The following SMPD3 variants were observed in gnomAD, a reference collection of about 807,000 sequenced individuals.
The protein encoded by SMPD3 is sphingomyelin phosphodiesterase 3.
Under a neutral mutation model 55.7 loss-of-function variants are expected in SMPD3, and 21 were observed. The ratio of observed to expected loss-of-function variants is 0.38; its 90% CI spans 0.27 to 0.54. The LOEUF is 0.54. Among genes scored for constraint, SMPD3 ranks in the 20% least tolerant of loss-of-function variants. SMPD3 has a pLI of 0.80. For missense variants in SMPD3, 842 were observed against 899.6 expected (o/e 0.94, Z 0.82); for synonymous variants, 457 against 404.3 (o/e 1.13, Z -1.56).
rs189004600 is a variant in SMPD3 at position 68,377,122 on chromosome 16, G to A, written c.-206-4735C>T. 4.3e-3 allele frequency among the ~76,000 whole-genome samples: 660 copies of A among 152,324 alleles called. 8 individuals carry two copies. The highest frequency in any genetic ancestry group is 0.015 in the African/African-American group (604 of 41,572). ...CCCAGGATCCTGACTGTCCCAGAGC[G>A]CCTTCAGGAGCCTCAGAGACATCAG... On this transcript the variant is annotated intron_variant, in intron 2 of 8. Coordinates refer to ENST00000219334, the MANE Select transcript of SMPD3 (RefSeq NM_018667.4).
intron 1 of SMPD3, among the ~76,000 whole-genome samples, chr16:68,445,529 C>T (rs908228020): frequency 6.6e-6 from 1 of 152,150 alleles, no homozygotes; most frequent in African/African-American, 2.4e-5. Flanking sequence ...TAGGAGGGAG[C>T]CCCCCAATAG....
intron 1 of SMPD3, among the ~76,000 whole-genome samples, chr16:68,429,997 C>T (rs1322873880): frequency 6.6e-6 from 1 of 152,168 alleles, no homozygotes; most frequent in African/African-American, 2.4e-5. Context: ...GATGAGGAGT[C>T]CCCTCTGGAG....
chr16:68,436,342 G>T (rs528953726), intron 1 of SMPD3, among the ~76,000 whole-genome samples: 4 of 151,950 alleles, frequency 2.6e-5, no homozygotes, highest in South Asian at 2.1e-4. Flanking sequence ...ACACAAGAGC[G>T]TGCATGTGTG....
At chr16:68,424,450 G>A (rs1222462981) in intron 1 of SMPD3, among the ~76,000 whole-genome samples, 2 of 151,904 alleles carry the variant, frequency 1.3e-5, no homozygotes, top group Admixed American at 6.6e-5. Context: ...GATCATGGTC[G>A]AACAGTCAGA....
chr16:68,443,253 C>A (rs2090582226), intron 1 of SMPD3, among the ~76,000 whole-genome samples: 1 of 152,112 alleles, frequency 6.6e-6, no homozygotes, highest in Non-Finnish European at 1.5e-5. Flanking sequence ...GGAGGTAGAG[C>A]TTTGGTTGGG....
At chr16:68,445,081 C>T (rs1183997035) in intron 1 of SMPD3, among the ~76,000 whole-genome samples, 2 of 152,238 alleles carry the variant, frequency 1.3e-5, no homozygotes, top group Admixed American at 1.3e-4. Flanking sequence ...TGTCTTATCT[C>T]TCTCCCCCAC....
chr16:68,413,691 A>G (rs144947839), intron 1 of SMPD3, among the ~76,000 whole-genome samples: 1 of 152,316 alleles, frequency 6.6e-6, no homozygotes, highest in Non-Finnish European at 1.5e-5. Flanking sequence ...TCCTCTGGAA[A>G]CAGCTCATAA....
At chr16:68,429,624 G>A (rs1372275021) in intron 1 of SMPD3, among the ~76,000 whole-genome samples, 1 of 152,220 alleles carries the variant, frequency 6.6e-6, no homozygotes, top group Non-Finnish European at 1.5e-5. Flanking sequence ...CCCAGCTGGG[G>A]AGGGGTGGGG....
chr16:68,411,946 G>C (rs1481488891), intron 1 of SMPD3, among the ~76,000 whole-genome samples: 1 of 152,186 alleles, frequency 6.6e-6, no homozygotes. Flanking sequence ...GGCCAGAGGG[G>C]AGAGGCTGGG....
At chr16:68,372,531 C>G in intron 2 of SMPD3, 144 bp from the exon 3 acceptor site, 1 of 395,076 alleles carries the variant, frequency 2.5e-6, no homozygotes, top group South Asian at 2.7e-5. Flanking sequence ...AGCTGGCAGG[C>G]TCAGCAGGTG....
intron 4 of SMPD3, 27 bp downstream of exon 4, chr16:68,364,990 A>G: frequency 6.2e-7 from 1 of 1,614,050 alleles, no homozygotes; most frequent in Non-Finnish European, 8.5e-7. Context: ...CATGCCTAGA[A>G]AAAACACAGG....
chr16:68,360,856 A>C lies in SMPD3; in HGVS notation c.*350T>G, dbSNP rs527962327. ...CGACATTGGCAGCAGACAAAAATAA[A>C]GAACCCTGGACGAAGCTTAAGAGGA... On this transcript the variant is annotated 3_prime_UTR_variant, in exon 9 of 9. Transcript: ENST00000219334. 97 of 230,598 alleles carry C rather than the reference A, an allele frequency of 4.2e-4. No individual in the cohort carries two copies. The highest frequency in any genetic ancestry group is 1.8e-3 in the African/African-American group (78 of 43,898). The allele number at this position is 230,598 out of a possible 1,614,324, so 14.3% of individuals were successfully genotyped here.
chr16:68,400,816 G>GC (rs2090198774), intron 1 of SMPD3, among the ~76,000 whole-genome samples: 1 of 152,220 alleles, frequency 6.6e-6, no homozygotes, highest in South Asian at 2.1e-4. Context: ...AGTCATACCA[G>GC]CCCCTTCTGT....
rs915591657 is a variant in SMPD3 at position 68,447,711 on chromosome 16, G to T, written c.-269+642C>A. Among the ~76,000 whole-genome samples the T allele has an allele frequency of 5.3e-5, 8 of 152,074 alleles. No homozygotes were observed. The highest frequency in any genetic ancestry group is 1.0e-4 in the Non-Finnish European group (7 of 67,918). The stretch of plus-strand genomic sequence containing the variant: ...AATTCCACCCTTCACCAGTAACCTA[G>T]GAGGGTCCAAGTGGGAGGGGTAAGA... On this transcript the variant is annotated intron_variant, in intron 1 of 8. Transcript: ENST00000219334. This position sits in a 1 kb window ranked among gnomAD's most constrained non-coding sequence, Gnocchi z 5.1.
intron 5 of SMPD3, 104 bp downstream of exon 5, chr16:68,364,644 CGAG>C (rs1567777510): frequency 3.1e-6 from 4 of 1,292,038 alleles, no homozygotes; most frequent in South Asian, 1.4e-5. Flanking sequence ...CACATGCTCT[CGAG>C]GAGCAGGAAT....
At chr16:68,442,765 T>C (rs1303082763) in intron 1 of SMPD3, among the ~76,000 whole-genome samples, 2 of 152,180 alleles carry the variant, frequency 1.3e-5, no homozygotes, top group Admixed American at 6.5e-5. Context: ...GTTCTGATGC[T>C]GAGGAGAGTT....
At chr16:68,431,540 T>C (rs542274986) in intron 1 of SMPD3, among the ~76,000 whole-genome samples, 1 of 152,220 alleles carries the variant, frequency 6.6e-6, no homozygotes, top group East Asian at 1.9e-4. Flanking sequence ...GTGGGGAGCC[T>C]GAAAACCACT....
In SMPD3 at chr16:68,364,919, AG is replaced by A. The variant is rs1305183441; in HGVS notation, c.1400-14del. The A allele has an allele frequency of 2.5e-6, 4 of 1,613,290 alleles. No homozygotes were observed. Among genetic ancestry groups the A allele is most frequent in the Middle Eastern group, 1.7e-4 (1 of 6,056 alleles). On this transcript the variant is annotated splice_polypyrimidine_tract_variant and intron_variant, in intron 4 of 8. Transcript: ENST00000219334. ...ATGGCGCTGTCCTCTGCAGGGCAGA[AG>A]TACAGAGACTGGATGATGAAGTTCG...
intron 2 of SMPD3, among the ~76,000 whole-genome samples, chr16:68,383,028 C>T (rs1392652404): frequency 2.6e-5 from 4 of 152,028 alleles, no homozygotes; most frequent in African/African-American, 7.3e-5. Context: ...TAGTAGAGAT[C>T]GGGTTCCACC....
Sources: gnomAD v4.1 joint callset for allele counts (sites outside exome capture counted in the v4.1 genomes callset) on GRCh38, gnomAD v4.1.1 for gene constraint, Gnocchi (gnomAD v3.1) non-coding constraint, MANE v1.5 for transcripts, NCBI Gene and HGNC (gene_info 2026-07-23, HGNC 2026-07-21) for gene names.